The following DMD variants were observed in gnomAD, a reference collection of about 807,000 sequenced individuals.
The protein encoded by DMD is dystrophin, also known as mutant dystrophin.
In DMD, 63 loss-of-function variants were observed where a neutral mutation model predicts 330.1. The observed-to-expected ratio is 0.19, with a 90% confidence interval of 0.16 to 0.24. DMD has a LOEUF of 0.24. Ranked by LOEUF, DMD falls within the 10% of genes least tolerant of loss-of-function variation. DMD has a pLI of 1.00. For synonymous variants in DMD, 1,223 were observed against 959.8 expected, an observed-to-expected ratio of 1.27 and a Z score of -5.07; for missense variants, 3,344 against 2,684.1, an observed-to-expected ratio of 1.25 and a Z score of -5.43.
chrX:32,653,721 G>A (rs1402891483), intron 9 of DMD, among the ~76,000 whole-genome samples: 3 of 111,522 alleles, frequency 2.7e-5, no homozygotes, highest in African/African-American at 9.8e-5. Flanking sequence ...TGATGGGGAT[G>A]GCATTGAATC....
At chrX:31,408,695 G>A (rs893684906) in intron 60 of DMD, among the ~76,000 whole-genome samples, 1 of 101,045 alleles carries the variant, frequency 9.9e-6, no homozygotes, top group East Asian at 3.5e-4. Flanking sequence ...CACTGCACCC[G>A]GCCTCTTTGA....
intron 47 of DMD, among the ~76,000 whole-genome samples, chrX:31,882,609 A>T (rs1174184587): frequency 1.8e-5 from 2 of 112,181 alleles, no homozygotes; most frequent in Non-Finnish European, 3.8e-5. Flanking sequence ...TTGGAAAAAG[A>T]TATTCGCAAT....
At chrX:32,411,987 T>C (rs755152182) in intron 29 of DMD, 74 bp from the exon 30 acceptor site, 14 of 1,188,835 alleles carry the variant, frequency 1.2e-5, no homozygotes, top group Non-Finnish European at 2.3e-6. Flanking sequence ...TGCTGAACAA[T>C]AAATGAAGAT....
At chrX:33,187,542 A>T (rs1327976909) in intron 1 of DMD, among the ~76,000 whole-genome samples, 3 of 112,509 alleles carry the variant, frequency 2.7e-5, no homozygotes, top group African/African-American at 9.7e-5. Flanking sequence ...AGCAAATAAA[A>T]AGGAAATGTA....
intron 44 of DMD, among the ~76,000 whole-genome samples, chrX:31,973,132 G>C (rs1043756565): frequency 9.1e-6 from 1 of 110,305 alleles, no homozygotes; most frequent in African/African-American, 3.3e-5. Flanking sequence ...CACAGCACCA[G>C]GACCCATTCA....
intron 48 of DMD, among the ~76,000 whole-genome samples, chrX:31,862,523 T>C (rs1055631049): frequency 3.6e-5 from 4 of 112,153 alleles, no homozygotes; most frequent in African/African-American, 1.3e-4. Context: ...GATACAGTAC[T>C]AATTAACTCA....
chrX:33,315,574 G>A (rs768478097), intron 1 of DMD, among the ~76,000 whole-genome samples: 48 of 112,412 alleles, frequency 4.3e-4, no homozygotes, highest in Admixed American at 1.3e-3. Context: ...ATGAGGAGAG[G>A]AAAACTGGAA....
At chrX:32,662,792 C>G (rs1419240357) in intron 9 of DMD, among the ~76,000 whole-genome samples, 1 of 111,614 alleles carries the variant, frequency 9.0e-6, no homozygotes, top group Non-Finnish European at 1.9e-5. Flanking sequence ...TAAATTTGCT[C>G]CTTGTCAGCA....
chrX:31,272,640 CACACA>C (rs758968604), intron 62 of DMD, among the ~76,000 whole-genome samples: 50 of 112,368 alleles, frequency 4.4e-4, no homozygotes, highest in African/African-American at 6.5e-4. Context: ...ACCTTCCTCC[CACACA>C]ACACATTTTT....
chrX:32,296,535 A>C (rs1253869007), intron 42 of DMD, among the ~76,000 whole-genome samples: 1 of 111,639 alleles, frequency 9.0e-6, no homozygotes, highest in African/African-American at 3.3e-5. Context: ...CCCTTATTTC[A>C]TACCTAGAAA....
At chrX:33,088,598 T>C (rs1264429553) in intron 1 of DMD, among the ~76,000 whole-genome samples, 1 of 110,833 alleles carries the variant, frequency 9.0e-6, no homozygotes, top group Non-Finnish European at 1.9e-5. Flanking sequence ...GGCAGGAGAA[T>C]GGTGTAAACC....
At chrX:32,383,997 T>A (rs1244908397) in intron 33 of DMD, among the ~76,000 whole-genome samples, 2 of 110,480 alleles carry the variant, frequency 1.8e-5, no homozygotes, top group African/African-American at 3.3e-5. Context: ...AAACATATAT[T>A]TTCTTAATTT....
intron 13 of DMD, among the ~76,000 whole-genome samples, chrX:32,580,011 C>CTTT (rs57730410): frequency 1.1e-5 from 1 of 91,147 alleles, no homozygotes. Flanking sequence ...TATTTAATGT[C>CTTT]TTTTTTTTTT....
intron 37 of DMD, among the ~76,000 whole-genome samples, chrX:32,360,800 A>AAAATAATAAT (rs2097829882): frequency 6.7e-4 from 64 of 95,937 alleles, no homozygotes; most frequent in East Asian, 9.9e-4. Flanking sequence ...CACACACACA[A>AAAATAATAAT]AATAATAATA....
rs1265996592 is a variant in DMD, at chrX:33,315,721, A to G, written c.7+23538T>C. Reference sequence around the variant, plus strand: ...AGAATTATATGAGTCCTCCTAAGGAATAATTGAACCTGAGAGTAGACTTGA... The same window carrying G: ...AGAATTATATGAGTCCTCCTAAGGAGTAATTGAACCTGAGAGTAGACTTGA... On this transcript the variant is annotated intron_variant, in intron 1 of 17. Coordinates refer to the DMD transcript ENST00000288447. 3.6e-5 allele frequency among the ~76,000 whole-genome samples: 4 copies of G among 112,214 alleles called. No homozygotes were observed. The East Asian group carries it at 8.4e-4, about 24-fold the overall frequency.
chrX:32,689,752 C>T (rs937942676), intron 9 of DMD, among the ~76,000 whole-genome samples: 1 of 110,821 alleles, frequency 9.0e-6, no homozygotes, highest in Non-Finnish European at 1.9e-5. Context: ...ACATGAAAAT[C>T]AATTAGTATG....
chrX:31,233,984 T>G (rs1396688356), intron 63 of DMD, among the ~76,000 whole-genome samples: 1 of 111,862 alleles, frequency 8.9e-6, no homozygotes, highest in Non-Finnish European at 1.9e-5. Context: ...AATCTGGTGA[T>G]TTCCCGTTGT....
At chrX:32,914,407 C>G (rs933986125) in intron 2 of DMD, among the ~76,000 whole-genome samples, 2 of 112,239 alleles carry the variant, frequency 1.8e-5, no homozygotes, top group Non-Finnish European at 3.8e-5. Flanking sequence ...TCAGGAGGGA[C>G]CAGCACAGCG....
intron 60 of DMD, among the ~76,000 whole-genome samples, chrX:31,386,153 A>G (rs1406217749): frequency 1.8e-5 from 2 of 111,900 alleles, no homozygotes. Context: ...GCATGTTCTC[A>G]CTCATAAGTG....
Sources: allele counts gnomAD v4.1 joint callset (sites outside exome capture counted in the v4.1 genomes callset), GRCh38; gene constraint gnomAD v4.1.1; transcripts MANE v1.5; gene names NCBI Gene and HGNC (gene_info 2026-07-23, HGNC 2026-07-21).